NBEA: variants seen among roughly 807,000 people sequenced by gnomAD.
NBEA encodes neurobeachin, also known as lysosomal-trafficking regulator 2.
NBEA carries 44 observed loss-of-function variants against 343.4 expected under a neutral mutation model. The observed-to-expected ratio is 0.13, with a 90% CI of 0.10 to 0.16. The LOEUF (loss-of-function observed/expected upper bound fraction) is 0.16. Ranked by LOEUF, NBEA falls within the 10% of genes least tolerant of loss-of-function variation. NBEA has a pLI of 1.00. For missense variants in NBEA, 2,555 were observed against 3,631.3 expected (o/e 0.70, Z 7.62); for synonymous variants, 1,175 against 1,238.7 (o/e 0.95, Z 1.08).
intron 18 of NBEA, among the ~76,000 whole-genome samples, chr13:35,143,773 GCAGGAGGACTGCTTGATCC>G (rs1374776018): frequency 6.6e-6 from 1 of 151,916 alleles, no homozygotes; most frequent in African/African-American, 2.4e-5. Flanking sequence ...CGGGGCTGAG[GCAGGAGGACTGCTTGATCC>G]CAGGAGGTCT....
Position 35,031,774 on chromosome 13 carries a change from T to A in NBEA, c.295-9159T>A, listed in dbSNP as rs1397612328. Among the ~76,000 whole-genome samples the A allele has an allele frequency of 2.0e-5, 3 of 151,684 alleles. No homozygotes were observed. In the South Asian group the frequency reaches 6.2e-4, roughly 31 times the overall value. ...TATTAAGCCCAGTACCCAATAGTTA[T>A]CTTTTTTGCTTCTCTCCCTCCTCCC... On this transcript the variant is annotated intron_variant, in intron 1 of 58. Transcript: ENST00000379939.
chr13:35,014,128 T>A (rs1311468167), intron 1 of NBEA, among the ~76,000 whole-genome samples: 6 of 147,464 alleles, frequency 4.1e-5, no homozygotes, highest in Non-Finnish European at 1.5e-5. Flanking sequence ...ATTCCTTTCC[T>A]GTTATTAGCA....
intron 41 of NBEA, among the ~76,000 whole-genome samples, chr13:35,542,062 T>C (rs17052345): frequency 0.078 from 11,918 of 151,830 alleles, 757 homozygotes; most frequent in East Asian, 0.22. Context: ...CATAAATTGA[T>C]GAATTAGAGA....
chr13:35,634,768 A>G, intron 49 of NBEA, among the ~76,000 whole-genome samples: 1 of 152,188 alleles, frequency 6.6e-6, no homozygotes, highest in East Asian at 1.9e-4. Context: ...TGGCATTTTT[A>G]GTCTAATTTT....
chr13:35,574,431 G>C (rs1458733583), intron 45 of NBEA, among the ~76,000 whole-genome samples: 1 of 140,548 alleles, frequency 7.1e-6, no homozygotes, highest in Admixed American at 6.9e-5. Flanking sequence ...AAAGAAAAAA[G>C]AAAAACTCTC....
intron 1 of NBEA, among the ~76,000 whole-genome samples, chr13:34,944,296 A>G (rs542589112): frequency 3.3e-4 from 51 of 152,284 alleles, no homozygotes; most frequent in African/African-American, 1.1e-3. Context: ...AATTATTTTT[A>G]CTTACTCTAT....
intron 45 of NBEA, among the ~76,000 whole-genome samples, chr13:35,583,669 A>G (rs978419079): frequency 1.3e-5 from 2 of 152,188 alleles, no homozygotes; most frequent in Admixed American, 6.5e-5. Flanking sequence ...AAACTTGGTA[A>G]AGTCTAGATA....
chr13:35,385,762 G>A (rs1182192543), intron 38 of NBEA, among the ~76,000 whole-genome samples: 1 of 152,114 alleles, frequency 6.6e-6, no homozygotes, highest in Non-Finnish European at 1.5e-5. Context: ...TTTGTCTTTG[G>A]TATGTGCCTA....
intron 1 of NBEA, among the ~76,000 whole-genome samples, chr13:34,961,420 T>G (rs1030134833): frequency 1.3e-5 from 2 of 152,088 alleles, no homozygotes; most frequent in Non-Finnish European, 2.9e-5. Flanking sequence ...GTTACTATAT[T>G]TAGCTCACAG....
chr13:35,272,903 T>C (rs1488170022), intron 34 of NBEA, among the ~76,000 whole-genome samples: 1 of 152,114 alleles, frequency 6.6e-6, no homozygotes, highest in Non-Finnish European at 1.5e-5. Context: ...ACAATAATAA[T>C]GGAAGACTTA....
chr13:35,526,101 A>G (rs1364043280), intron 41 of NBEA, among the ~76,000 whole-genome samples: 1 of 152,188 alleles, frequency 6.6e-6, no homozygotes, highest in African/African-American at 2.4e-5. Context: ...TGGGGATACA[A>G]ATTCTTGTCC....
rs143337635 is a variant in NBEA, at chr13:35,447,111, A to G, written c.6305-4981A>G. On this transcript the variant is annotated intron_variant, in intron 39 of 58. Transcript: ENST00000379939. ...TTTCTTACATTAATTGTTTATATTT[A>G]TCAATAGAAAAGAACATAAAGGGCA... 5.9e-5 allele frequency among the ~76,000 whole-genome samples: 9 copies of G among 152,268 alleles called. No individual in the cohort carries two copies. In the East Asian group the frequency reaches 1.7e-3, roughly 29 times the overall value.
intron 34 of NBEA, chr13:35,251,616 A>G: frequency 8.6e-7 from 1 of 1,160,734 alleles, no homozygotes; most frequent in Non-Finnish European, 1.1e-6. Context: ...AGCGGGAAGC[A>G]GAGATGGCCA....
chr13:35,061,053 C>T (rs1241239799), intron 8 of NBEA, among the ~76,000 whole-genome samples: 1 of 151,600 alleles, frequency 6.6e-6, no homozygotes, highest in Non-Finnish European at 1.5e-5. Flanking sequence ...GTGTAGATAG[C>T]ATGTCAACAT....
intron 41 of NBEA, among the ~76,000 whole-genome samples, chr13:35,508,796 G>A (rs571360162): frequency 5.3e-5 from 8 of 152,272 alleles, no homozygotes; most frequent in African/African-American, 1.9e-4. Context: ...GGAGGTCTCA[G>A]CTGCAGGTAA....
At chr13:35,477,199 G>C (rs919421606) in intron 41 of NBEA, 1 of 166,626 alleles carries the variant, frequency 6.0e-6, no homozygotes, top group Non-Finnish European at 1.5e-5. Flanking sequence ...AGATGGAGGA[G>C]TACCTGTGTA....
At chr13:35,275,083 A>G (rs1230420717) in intron 34 of NBEA, among the ~76,000 whole-genome samples, 4 of 152,238 alleles carry the variant, frequency 2.6e-5, no homozygotes, top group African/African-American at 9.6e-5. Flanking sequence ...AGGTGGAGGC[A>G]TCATGCTACC....
chr13:35,318,597 A>G (rs541460359), intron 36 of NBEA, among the ~76,000 whole-genome samples: 2 of 152,304 alleles, frequency 1.3e-5, no homozygotes, highest in South Asian at 2.1e-4. Flanking sequence ...TTTTGGTATC[A>G]GGATGATGTT....
chr13:34,949,803 A>G (rs2059295714), intron 1 of NBEA, among the ~76,000 whole-genome samples: 1 of 152,178 alleles, frequency 6.6e-6, no homozygotes, highest in African/African-American at 2.4e-5. Flanking sequence ...GAATATTGTC[A>G]TAACACAAAA....
Sources: allele counts gnomAD v4.1 joint callset (sites outside exome capture counted in the v4.1 genomes callset), GRCh38; gene constraint gnomAD v4.1.1; transcripts MANE v1.5; gene names NCBI Gene and HGNC (gene_info 2026-07-23, HGNC 2026-07-21).